The following HS1BP3 variants were observed in gnomAD, a reference collection of about 807,000 sequenced individuals.
HS1BP3 encodes the protein HCLS1-binding protein 3.
Under a neutral mutation model 33.5 loss-of-function variants are expected in HS1BP3, and 32 were observed. The ratio of observed to expected loss-of-function variants is 0.95; its 90% CI spans 0.72 to 1.28. The LOEUF (loss-of-function observed/expected upper bound fraction) is 1.28, where lower values mean the gene tolerates loss of function less well. Ranked by LOEUF, HS1BP3 falls within the 50% of genes most tolerant of loss-of-function variation. HS1BP3 has a pLI of 0.00. For synonymous variants in HS1BP3, 187 were observed against 209.2 expected (o/e 0.89, Z 0.92); for missense variants, 486 against 502.3 (o/e 0.97, Z 0.31).
At chr2:20,616,040 A>G (rs1427119201), downstream of HS1BP3, among the ~76,000 whole-genome samples, 2 of 152,146 alleles carry the variant, frequency 1.3e-5, no homozygotes, top group African/African-American at 2.4e-5. Context: ...GGAGGAAGGG[A>G]GCAGTGGGAC....
chr2:20,599,066 C>G (rs1694012415), intron 2 of HS1BP3, among the ~76,000 whole-genome samples: 1 of 152,238 alleles, frequency 6.6e-6, no homozygotes, highest in African/African-American at 2.4e-5. Context: ...GAGCCCACAA[C>G]CTCAGCACCG....
At chr2:20,638,726 C>A (rs569271078) in intron 3 of HS1BP3, 74 bp from the exon 4 acceptor site, 199 of 1,161,188 alleles carry the variant, frequency 1.7e-4, no homozygotes, top group Non-Finnish European at 1.7e-4. Context: ...CCACACTGCA[C>A]CCTCCCATGC....
intron 6 of HS1BP3, among the ~76,000 whole-genome samples, chr2:20,619,898 C>T (rs919615357): frequency 3.3e-5 from 5 of 152,204 alleles, no homozygotes; most frequent in South Asian, 2.1e-4. Flanking sequence ...CGCTGTGGGC[C>T]ACACGGGTGC....
chr2:20,569,189 C>G (rs191945195), intron 5 of HS1BP3, among the ~76,000 whole-genome samples: 48 of 152,272 alleles, frequency 3.2e-4, no homozygotes, highest in Admixed American at 5.2e-4. Flanking sequence ...CCCACCACCC[C>G]CAAAAGGCAG....
chr2:20,578,543 A>G (rs956499603), intron 5 of HS1BP3, among the ~76,000 whole-genome samples: 52 of 152,244 alleles, frequency 3.4e-4, no homozygotes, highest in African/African-American at 1.2e-3. Context: ...TCCCGAGGAA[A>G]GATGGGCATT....
intron 4 of HS1BP3, among the ~76,000 whole-genome samples, chr2:20,633,655 T>G (rs1188162290): frequency 6.6e-6 from 1 of 152,200 alleles, no homozygotes; most frequent in African/African-American, 2.4e-5. Flanking sequence ...CCTGAGTAGC[T>G]GGGATTACAG....
intron 5 of HS1BP3, among the ~76,000 whole-genome samples, chr2:20,563,021 C>T (rs565405308): frequency 6.6e-5 from 10 of 152,312 alleles, no homozygotes; most frequent in Non-Finnish European, 1.0e-4. Flanking sequence ...TGCTGATCTT[C>T]GTCAGCTGCA....
chr2:20,554,208 G>A, the HS1BP3 span, among the ~76,000 whole-genome samples: 1 of 152,196 alleles, frequency 6.6e-6, no homozygotes, highest in African/African-American at 2.4e-5. Flanking sequence ...CAACACCCTT[G>A]AAAAGACAGT....
At chr2:20,558,874 C>G (rs1692905693), downstream of HS1BP3, among the ~76,000 whole-genome samples, 1 of 152,154 alleles carries the variant, frequency 6.6e-6, no homozygotes, top group Non-Finnish European at 1.5e-5. Context: ...CTGCTGGGCT[C>G]ACATCTCAGG....
intron 3 of HS1BP3, among the ~76,000 whole-genome samples, chr2:20,597,471 C>T (rs1459049273): frequency 2.0e-5 from 3 of 152,116 alleles, no homozygotes; most frequent in Non-Finnish European, 4.4e-5. Context: ...TCCACGTTGG[C>T]GTTCTCAGCT....
chr2:20,619,874 C>T (rs755678385), intron 6 of HS1BP3, among the ~76,000 whole-genome samples: 4 of 152,208 alleles, frequency 2.6e-5, no homozygotes, highest in African/African-American at 4.8e-5. Context: ...AGGCTTGGCC[C>T]GCCCACAGTG....
intron 5 of HS1BP3, among the ~76,000 whole-genome samples, chr2:20,566,935 G>A (rs916551829): frequency 1.1e-4 from 17 of 151,908 alleles, no homozygotes; most frequent in African/African-American, 4.1e-4. Context: ...CCCATTCCTA[G>A]AGGTCCCTTC....
At position 20,624,819 on chromosome 2, in the gene HS1BP3, C is replaced by A. The variant is rs183381441; in HGVS notation, c.697G>T (p.Glu233Ter). The A allele has an allele frequency of 6.2e-7, 1 of 1,613,830 alleles. No homozygotes were observed. Among genetic ancestry groups the A allele is most frequent in the Non-Finnish European group, 8.5e-7 (1 of 1,179,902 alleles). ...KPSPRLTIFD[E>*]EVDPDEGLFG... is the part of the protein sequence containing the mutation. The stretch of plus-strand genomic sequence containing the variant: ...AGCCCCTCATCAGGGTCCACCTCCT[C>A]GTCAAAGATGGTGAGCCGGGGCGAG... Residue 233 changes from glutamate (E) to a stop codon, truncating the protein, a stop_gained, in exon 5 of 7, where the codon GAG (glutamate) becomes TAG (stop). Transcript: ENST00000304031. LOFTEE classifies it high-confidence loss of function.
Position 20,619,135 on chromosome 2 carries a change from G to A in HS1BP3, c.1031C>T (p.Pro344Leu), listed in dbSNP as rs1694515570. Residue 344 changes from proline to leucine, a missense_variant, in exon 7 of 7, where the codon CCA becomes CTA. Pro to Leu is a moderately conservative substitution (Grantham distance 98, BLOSUM62 -3). Coordinates refer to ENST00000304031, the MANE Select transcript of HS1BP3 (RefSeq NM_022460.4). ...VAAKPVIPRK[P>L]AVPPKAGPAE... is the part of the protein sequence containing the mutation. ...CGGGCCCGCTTTGGGGGGAACAGCT[G>A]GTTTTCTGGGTATCACCGGCTTAGC... is the stretch of plus-strand genomic sequence containing the variant. The A allele has an allele frequency of 6.2e-7, 1 of 1,614,070 alleles. No homozygotes were observed. The highest frequency in any genetic ancestry group is 1.1e-5 in the South Asian group (1 of 91,088).
intron 4 of HS1BP3, among the ~76,000 whole-genome samples, chr2:20,629,801 G>A (rs771042158): frequency 6.6e-5 from 10 of 152,250 alleles, no homozygotes; most frequent in Admixed American, 2.6e-4. Flanking sequence ...CTGCAGGCGG[G>A]CGTGCAGCAT....
chr2:20,651,052 CG>C lies in HS1BP3; in HGVS notation c.11del (p.Pro4ArgfsTer19), dbSNP rs1285171625. The C allele has an allele frequency of 1.6e-6, 2 of 1,238,894 alleles. No homozygotes were observed. Among genetic ancestry groups the C allele is most frequent in the Admixed American group, 4.1e-5 (1 of 24,464 alleles). The allele number at this position is 1,238,894 out of a possible 1,614,324, so 76.7% of individuals were successfully genotyped here. A position where few individuals can be genotyped will look rare whatever the true frequency, so the allele number is the denominator to read the frequency against. On this transcript the variant is annotated frameshift_variant, in exon 1 of 7. Coordinates refer to ENST00000304031, the MANE Select transcript of HS1BP3 (RefSeq NM_022460.4). LOFTEE classifies it high-confidence loss of function. The stretch of plus-strand genomic sequence containing the variant: ...CTCACCTGGAGGTGACGAGCACCGC[CG>C]GGGACTGCATGACGGCGGCGGGGAC... The part of the protein sequence containing the change: MQS[P>X]AVLVTSRRLQ...
chr2:20,570,237 G>A (rs1693234158), intron 5 of HS1BP3, among the ~76,000 whole-genome samples: 1 of 152,144 alleles, frequency 6.6e-6, no homozygotes. Context: ...TCCCGCTTCT[G>A]TTTTAAAGCA....
chr2:20,561,616 C>T (rs1462392724), intron 5 of HS1BP3, among the ~76,000 whole-genome samples: 1 of 152,172 alleles, frequency 6.6e-6, no homozygotes, highest in Non-Finnish European at 1.5e-5. Flanking sequence ...AGCATTCTTC[C>T]AGAACACTTG....
At chr2:20,571,417 CG>C (rs2149272538) in intron 5 of HS1BP3, among the ~76,000 whole-genome samples, 1 of 152,318 alleles carries the variant, frequency 6.6e-6, no homozygotes, top group East Asian at 1.9e-4. Context: ...TGAGGCAGCC[CG>C]GGCCTGTTCC....
Sources: gnomAD v4.1 joint callset for allele counts (sites outside exome capture counted in the v4.1 genomes callset) on GRCh38, gnomAD v4.1.1 for gene constraint, MANE v1.5 for transcripts, NCBI Gene and HGNC (gene_info 2026-07-23, HGNC 2026-07-21) for gene names.